The following CELF2 variants were observed in gnomAD, a reference collection of about 807,000 sequenced individuals.
CELF2 encodes CUG triplet repeat RNA-binding protein 2.
CELF2 carries 8 observed loss-of-function variants against 62.6 expected under a neutral mutation model. That is an observed-to-expected ratio of 0.13 (90% CI 0.07 to 0.23). The LOEUF is 0.23. Ranked by LOEUF, CELF2 falls within the 10% of genes least tolerant of loss-of-function variation. The pLI, the probability that CELF2 is intolerant of heterozygous loss-of-function variation, is 1.00. For synonymous variants in CELF2, 258 were observed against 250.0 expected (o/e 1.03, Z -0.30); for missense variants, 333 against 671.0 (o/e 0.50, Z 5.56).
rs888964527 is a variant in CELF2 at position 11,214,722 on chromosome 10, G to T, written c.272-2703G>T. 4.6e-5 allele frequency among the ~76,000 whole-genome samples: 7 copies of T among 152,216 alleles called. No individual in the cohort carries two copies. The highest frequency in any genetic ancestry group is 8.8e-5 in the Non-Finnish European group (6 of 68,038). On this transcript the variant is annotated intron_variant, in intron 2 of 12. Coordinates refer to ENST00000633077, the MANE Select transcript of CELF2 (RefSeq NM_001326342.2). The surrounding 1 kb of genome is among the most constrained non-coding windows in gnomAD (Gnocchi z 4.2). The stretch of plus-strand genomic sequence containing the variant: ...TCCTGCGTGTCACACTGGAACTAGA[G>T]CTTCTCTTGGCATGATGTTAAAGAA...
chr10:11,305,010 C>T lies in CELF2; in HGVS notation c.977-9129C>T, dbSNP rs188460680. On this transcript the variant is annotated intron_variant, in intron 9 of 12. Transcript: ENST00000633077. This position sits in a 1 kb window ranked among gnomAD's most constrained non-coding sequence, Gnocchi z 4.8. ...GTTTGAACAGAGAGAGAAGAGAGAA[C>T]GGGAATGCCTTTGTCAAACACGCAT... is the stretch of plus-strand genomic sequence containing the variant. Among the ~76,000 whole-genome samples the T allele has an allele frequency of 1.3e-3, 194 of 152,156 alleles. 2 individuals are homozygous for T. Among genetic ancestry groups the T allele is most frequent in the Non-Finnish European group, 2.4e-3 (164 of 68,004 alleles).
chr10:10,569,946 C>T, the CELF2 span, among the ~76,000 whole-genome samples: 1 of 152,156 alleles, frequency 6.6e-6, no homozygotes, highest in South Asian at 2.1e-4. Context: ...TGTCTTACTT[C>T]CTCCCAAATC....
intron 1 of CELF2, among the ~76,000 whole-genome samples, chr10:10,847,509 A>C (rs2059093932): frequency 6.6e-6 from 1 of 152,206 alleles, no homozygotes; most frequent in African/African-American, 2.4e-5. Flanking sequence ...CTCACTCTGT[A>C]AACATTCACA....
intron 2 of CELF2, among the ~76,000 whole-genome samples, chr10:11,167,914 T>C (rs1053942151): frequency 2.0e-5 from 3 of 152,160 alleles, no homozygotes; most frequent in African/African-American, 4.8e-5. Context: ...CATAGCCCCG[T>C]TTGCCCAGCT....
intron 1 of CELF2, among the ~76,000 whole-genome samples, chr10:11,088,874 C>A (rs369530238): frequency 6.6e-6 from 1 of 152,290 alleles, no homozygotes; most frequent in South Asian, 2.1e-4. Flanking sequence ...GAGGTGTCCT[C>A]GCTAGCACAT....
At chr10:11,271,467 T>C (rs2138650236) in intron 7 of CELF2, among the ~76,000 whole-genome samples, 1 of 152,114 alleles carries the variant, frequency 6.6e-6, no homozygotes, top group Admixed American at 6.5e-5. Flanking sequence ...CAGGACGGAG[T>C]AGTAACCTCT....
At chr10:11,077,013 C>A (rs1211927535) in intron 1 of CELF2, among the ~76,000 whole-genome samples, 2 of 152,156 alleles carry the variant, frequency 1.3e-5, no homozygotes, top group African/African-American at 2.4e-5. Context: ...GTCATTGACT[C>A]CTTAGTAACC....
At chr10:10,922,492 G>C (rs1290685916) in intron 2 of CELF2, among the ~76,000 whole-genome samples, 1 of 152,210 alleles carries the variant, frequency 6.6e-6, no homozygotes, top group Non-Finnish European at 1.5e-5. Context: ...TAATCACACA[G>C]ATGAAAATGA....
intron 2 of CELF2, among the ~76,000 whole-genome samples, chr10:11,195,785 C>T (rs1320365170): frequency 2.6e-5 from 4 of 152,298 alleles, no homozygotes; most frequent in African/African-American, 7.2e-5. Context: ...GCTGCATGTC[C>T]TTTGTTTTCT....
At chr10:10,760,084 A>G in the CELF2 span, among the ~76,000 whole-genome samples, 1 of 152,232 alleles carries the variant, frequency 6.6e-6, no homozygotes, top group East Asian at 1.9e-4. Flanking sequence ...TTCTGTTTTT[A>G]GTAGAGACAG....
intron 1 of CELF2, among the ~76,000 whole-genome samples, chr10:11,112,315 C>T (rs539108666): frequency 1.3e-5 from 2 of 152,282 alleles, no homozygotes; most frequent in East Asian, 1.9e-4. Context: ...CCATCAAGAT[C>T]GCATTCGCTA....
At position 11,048,501 on chromosome 10, in the gene CELF2, G is replaced by A. The variant is rs186939466; in HGVS notation, c.74+30338G>A. Among the ~76,000 whole-genome samples the A allele has an allele frequency of 9.0e-4, 137 of 152,214 alleles. 2 individuals are homozygous for A. The highest frequency in any genetic ancestry group is 1.5e-3 in the Non-Finnish European group (101 of 68,008). On this transcript the variant is annotated intron_variant, in intron 1 of 12. Transcript: ENST00000633077. ...GTTATTTGTGACAGTAAATGTTCCC[G>A]TGCCACCAATCCTGGTTTTCTGTTT...
the CELF2 span, among the ~76,000 whole-genome samples, chr10:10,665,307 A>G: frequency 1.3e-5 from 2 of 152,242 alleles, no homozygotes; most frequent in African/African-American, 4.8e-5. Flanking sequence ...AATTGTCTGC[A>G]AATTGAGCTT....
intron 1 of CELF2, among the ~76,000 whole-genome samples, chr10:10,888,917 C>T (rs1164085296): frequency 6.6e-6 from 1 of 152,102 alleles, no homozygotes; most frequent in Non-Finnish European, 1.5e-5. Flanking sequence ...GGAGCGGGGA[C>T]CATGTCACTC....
chr10:10,989,701 A>C (rs961062692), intron 2 of CELF2, among the ~76,000 whole-genome samples: 62 of 152,280 alleles, frequency 4.1e-4, no homozygotes, highest in African/African-American at 1.4e-3. Flanking sequence ...TTCAGACCAA[A>C]ACATTTTTAA....
the CELF2 span, among the ~76,000 whole-genome samples, chr10:10,738,412 G>A: frequency 6.6e-6 from 1 of 152,170 alleles, no homozygotes; most frequent in Non-Finnish European, 1.5e-5. Context: ...TGACAGCGGA[G>A]AAGCCTGACA....
intron 2 of CELF2, among the ~76,000 whole-genome samples, chr10:10,962,503 G>A (rs1201861729): frequency 6.6e-6 from 1 of 151,804 alleles, no homozygotes; most frequent in Non-Finnish European, 1.5e-5. Context: ...CTGGGTAAGT[G>A]CTTGAGGCCA....
the CELF2 span, among the ~76,000 whole-genome samples, chr10:10,619,091 C>T: frequency 6.6e-6 from 1 of 152,240 alleles, no homozygotes; most frequent in Non-Finnish European, 1.5e-5. Flanking sequence ...CCATGTTGAA[C>T]ATGCCTGGCC....
intron 1 of CELF2, among the ~76,000 whole-genome samples, chr10:10,858,747 G>A (rs543964335): frequency 1.3e-5 from 2 of 151,510 alleles, no homozygotes; most frequent in African/African-American, 4.8e-5. Flanking sequence ...TCCAGGAATA[G>A]ATGTATTTCC....
Sources: allele counts gnomAD v4.1 joint callset (sites outside exome capture counted in the v4.1 genomes callset), GRCh38; gene constraint gnomAD v4.1.1; non-coding constraint Gnocchi (gnomAD v3.1); transcripts MANE v1.5; gene names NCBI Gene and HGNC (gene_info 2026-07-23, HGNC 2026-07-21).